The following VSIG10 variants were observed in gnomAD, a reference collection of about 807,000 sequenced individuals.
The protein encoded by VSIG10 is V-set and immunoglobulin domain-containing protein 10.
VSIG10 carries 48 observed loss-of-function variants against 58.7 expected under a neutral mutation model. That is an observed-to-expected ratio of 0.82 (90% CI 0.65 to 1.04). The LOEUF (loss-of-function observed/expected upper bound fraction) is 1.04. VSIG10 is among the 50% of genes least tolerant of loss of function. The pLI is 0.00. For synonymous variants in VSIG10, 260 were observed against 267.1 expected, an observed-to-expected ratio of 0.97 and a Z score of 0.26; for missense variants, 628 against 670.0, an observed-to-expected ratio of 0.94 and a Z score of 0.69.
chr12:118,067,139 C>T (rs2032277043), intron 8 of VSIG10, among the ~76,000 whole-genome samples: 1 of 152,022 alleles, frequency 6.6e-6, no homozygotes, highest in Non-Finnish European at 1.5e-5. Flanking sequence ...ATTCTCCCAC[C>T]TCAGCCTCCC....
At chr12:118,094,298 A>G (rs952531488) in intron 2 of VSIG10, among the ~76,000 whole-genome samples, 3 of 152,230 alleles carry the variant, frequency 2.0e-5, no homozygotes, top group Non-Finnish European at 4.4e-5. Context: ...TAATAAAATG[A>G]TATTAATAGC....
At position 118,064,607 on chromosome 12, in the gene VSIG10, G is replaced by T. The variant is rs1593482117; in HGVS notation, c.*2032C>A. ...CAAGCTGAGTATCTCATTCTAAAATGACACTGATTTACACTGTTGAGAATG... is the reference window on the plus strand; with the variant it reads ...CAAGCTGAGTATCTCATTCTAAAATTACACTGATTTACACTGTTGAGAATG... On this transcript the variant is annotated 3_prime_UTR_variant, in exon 9 of 9. Transcript: ENST00000359236. 6.6e-6 allele frequency: 1 copy of T among 152,110 alleles called. No homozygotes were observed. Among genetic ancestry groups the T allele is most frequent in the East Asian group, 1.9e-4 (1 of 5,200 alleles). The allele number at this position is 152,110 out of a possible 1,614,324, so 9.4% of individuals were successfully genotyped here. A position where few individuals can be genotyped will look rare whatever the true frequency, so the allele number is the denominator to read the frequency against.
rs1031667006 is a variant in VSIG10 at position 118,095,936 on chromosome 12, T to A, written c.80-122A>T. 11 of 1,318,546 alleles carry A rather than the reference T, an allele frequency of 8.3e-6. No homozygotes were observed. In the South Asian group the frequency reaches 1.4e-4, roughly 17 times the overall value. 81.7% of individuals were successfully genotyped at this position (1,318,546 alleles called of 1,614,324 possible). A position where few individuals can be genotyped will look rare whatever the true frequency, so the allele number is the denominator to read the frequency against. On this transcript the variant is annotated intron_variant, in intron 1 of 8. Transcript: ENST00000359236. Reference sequence around the variant, plus strand: ...CAGGTATATGTTCTTTTTTTTTTTTTTTTTTTTGAGACGGAGTCCCACTCT... The same window carrying A: ...CAGGTATATGTTCTTTTTTTTTTTTATTTTTTTGAGACGGAGTCCCACTCT...
At chr12:118,084,358 A>G (rs1226140970) in intron 2 of VSIG10, among the ~76,000 whole-genome samples, 2 of 152,200 alleles carry the variant, frequency 1.3e-5, no homozygotes, top group African/African-American at 4.8e-5. Flanking sequence ...TCTTTAGACC[A>G]GGAATTTTAT....
In VSIG10 at chr12:118,079,410, C is replaced by T; in HGVS notation, c.861G>A (p.Lys287=). 6.2e-7 allele frequency: 1 copy of T among 1,614,032 alleles called. No individual in the cohort carries two copies. The highest frequency in any genetic ancestry group is 8.5e-7 in the Non-Finnish European group (1 of 1,179,900). ...LSESQLSDGK[K]FKCVTSHIVG... ...CTATGTGGCTTGTAACACACTTGAA[C>T]TTCTTGCCATCCGACAGCTGGGACT... The change falls in exon 4 of 9, where the codon AAG becomes AAA. Residue 287 remains lysine, a synonymous_variant. Transcript: ENST00000359236.
chr12:118,100,496 C>CA (rs369608710), intron 1 of VSIG10, among the ~76,000 whole-genome samples: 1,966 of 144,700 alleles, frequency 0.014, 20 homozygotes, highest in African/African-American at 0.032. Context: ...GACTCTGTCT[C>CA]AAAAAAAAAA....
intron 2 of VSIG10, among the ~76,000 whole-genome samples, chr12:118,084,073 T>C (rs1225294099): frequency 6.6e-6 from 1 of 152,056 alleles, no homozygotes; most frequent in Non-Finnish European, 1.5e-5. Flanking sequence ...TGAGCTGTGA[T>C]TGTGCCAGTA....
chr12:118,066,947 C>T (rs958267258), intron 8 of VSIG10, among the ~76,000 whole-genome samples: 1 of 152,108 alleles, frequency 6.6e-6, no homozygotes, highest in African/African-American at 2.4e-5. Context: ...GAAACGCCCT[C>T]TCTCCTTTCT....
intron 1 of VSIG10, among the ~76,000 whole-genome samples, chr12:118,100,813 G>A (rs1181762077): frequency 6.6e-6 from 1 of 152,218 alleles, no homozygotes; most frequent in East Asian, 1.9e-4. Context: ...ACAGGCGGGA[G>A]CCACCGCACC....
chr12:118,101,295 TC>T (rs1237070474), intron 1 of VSIG10, among the ~76,000 whole-genome samples: 1 of 152,192 alleles, frequency 6.6e-6, no homozygotes, highest in Non-Finnish European at 1.5e-5. Flanking sequence ...AAGGGGTAGT[TC>T]TTGCCTGGCA....
At chr12:118,098,080 ACT>A in intron 1 of VSIG10, among the ~76,000 whole-genome samples, 1 of 152,054 alleles carries the variant, frequency 6.6e-6, no homozygotes, top group Non-Finnish European at 1.5e-5. Context: ...AATAAGCACT[ACT>A]GTCATTTTGG....
At position 118,079,219 on chromosome 12, in the gene VSIG10, A is replaced by G. The variant is rs1045026611; in HGVS notation, c.925+127T>C. The G allele has an allele frequency of 4.5e-6, 6 of 1,329,328 alleles. No homozygotes were observed. In the African/African-American group the frequency reaches 7.4e-5, roughly 16 times the overall value. The allele number at this position is 1,329,328 out of a possible 1,614,324, so 82.3% of individuals were successfully genotyped here. On this transcript the variant is annotated intron_variant, in intron 4 of 8. Coordinates refer to ENST00000359236, the MANE Select transcript of VSIG10 (RefSeq NM_019086.6). Reference sequence around the variant, plus strand: ...GAAACATAAAGAAAAAGAAAGGGAGAAAGGGAAGGAATTCAGTCCACCCTG... The same window carrying G: ...GAAACATAAAGAAAAAGAAAGGGAGGAAGGGAAGGAATTCAGTCCACCCTG...
rs557437304 is a variant in VSIG10 at position 118,065,663 on chromosome 12, G to A, written c.*976C>T. ...TAGAGCAGATACGCAACTTTAAAGA[G>A]TACAAATTCAAGTCAGATTTTCATA... On this transcript the variant is annotated 3_prime_UTR_variant, in exon 9 of 9. Transcript: ENST00000359236. 8.5e-5 allele frequency: 13 copies of A among 152,340 alleles called. No individual in the cohort carries two copies. Among genetic ancestry groups the A allele is most frequent in the African/African-American group, 3.1e-4 (13 of 41,580 alleles). 9.4% of individuals were successfully genotyped at this position (152,340 alleles called of 1,614,324 possible). A position where few individuals can be genotyped will look rare whatever the true frequency, so the allele number is the denominator to read the frequency against.
intron 1 of VSIG10, among the ~76,000 whole-genome samples, chr12:118,099,523 C>T (rs2033568507): frequency 6.6e-6 from 1 of 152,078 alleles, no homozygotes; most frequent in African/African-American, 2.4e-5. Flanking sequence ...CAAATGCAAC[C>T]CATTTTGCTG....
chr12:118,080,412 G>A (rs1326856603), intron 3 of VSIG10, among the ~76,000 whole-genome samples: 3 of 151,116 alleles, frequency 2.0e-5, no homozygotes, highest in African/African-American at 4.9e-5. Flanking sequence ...CACCTGCCTC[G>A]GCCTCCCAAA....
rs2032215983 is a variant in VSIG10 at position 118,065,497 on chromosome 12, T to A, written c.*1142A>T. ...TAAGACAGTGCTCTGATATGCTTAG[T>A]TTAGTTCCTTCATCCAAGAAAACAG... On this transcript the variant is annotated 3_prime_UTR_variant, in exon 9 of 9. Coordinates refer to ENST00000359236, the MANE Select transcript of VSIG10 (RefSeq NM_019086.6). 6.6e-6 allele frequency: 1 copy of A among 152,202 alleles called. No individual in the cohort carries two copies. The highest frequency in any genetic ancestry group is 2.4e-5 in the African/African-American group (1 of 41,442). The allele number at this position is 152,202 out of a possible 1,614,324, so 9.4% of individuals were successfully genotyped here.
chr12:118,077,861 T>C (rs1446309065), intron 4 of VSIG10, among the ~76,000 whole-genome samples: 2 of 152,190 alleles, frequency 1.3e-5, no homozygotes, highest in East Asian at 3.8e-4. Context: ...CCTTCAATTC[T>C]TCCGGCTGAC....
rs567446093 is a variant in VSIG10, at chr12:118,066,487, G to C, written c.*152C>G. On this transcript the variant is annotated 3_prime_UTR_variant, in exon 9 of 9. Coordinates refer to ENST00000359236, the MANE Select transcript of VSIG10 (RefSeq NM_019086.6). ...TTTCAATACATGGAAGGAAAGATGT[G>C]TGTGCTTGGTTTTGTTTTTTGCTGA... 1.3e-6 allele frequency: 1 copy of C among 740,776 alleles called. No homozygotes were observed. Among genetic ancestry groups the C allele is most frequent in the Non-Finnish European group, 2.4e-6 (1 of 416,102 alleles). The allele number at this position is 740,776 out of a possible 1,614,324, so 45.9% of individuals were successfully genotyped here.
At chr12:118,069,799 T>C (rs1464658471) in intron 7 of VSIG10, among the ~76,000 whole-genome samples, 2 of 152,150 alleles carry the variant, frequency 1.3e-5, no homozygotes, top group African/African-American at 4.8e-5. Flanking sequence ...CTGTGTTACA[T>C]TGTCATTTAA....
Sources: gnomAD v4.1 joint callset for allele counts (sites outside exome capture counted in the v4.1 genomes callset) on GRCh38, gnomAD v4.1.1 for gene constraint, MANE v1.5 for transcripts, NCBI Gene and HGNC (gene_info 2026-07-23, HGNC 2026-07-21) for gene names.